The following AQR variants were observed in gnomAD, a reference collection of about 807,000 sequenced individuals.
AQR encodes RNA helicase aquarius.
AQR carries 61 observed loss-of-function variants against 180.5 expected under a neutral mutation model. The ratio of observed to expected loss-of-function variants is 0.34; its 90% confidence interval spans 0.28 to 0.42. The LOEUF is 0.42. Ranked by LOEUF, AQR falls within the 10% of genes least tolerant of loss-of-function variation. The pLI, the probability that AQR is intolerant of heterozygous loss-of-function variation, is 1.00. For synonymous variants in AQR, 551 were observed against 588.8 expected, an observed-to-expected ratio of 0.94 and a Z score of 0.93; for missense variants, 1,281 against 1,798.3, an observed-to-expected ratio of 0.71 and a Z score of 5.20.
chr15:34,881,006 T>C (rs1480295129), intron 27 of AQR, among the ~76,000 whole-genome samples: 2 of 152,188 alleles, frequency 1.3e-5, no homozygotes, highest in Admixed American at 1.3e-4. Flanking sequence ...TAACTACCCG[T>C]TGACGTGTAG....
chr15:34,937,041 TTTC>T (rs1162128839), intron 9 of AQR, among the ~76,000 whole-genome samples: 2 of 152,162 alleles, frequency 1.3e-5, no homozygotes, highest in Non-Finnish European at 2.9e-5. Context: ...AAACGTTTTC[TTTC>T]TTTTCTTTTT....
intron 4 of AQR, among the ~76,000 whole-genome samples, chr15:34,949,605 C>CAAAAAAAA (rs538711417): frequency 1.2e-4 from 6 of 49,680 alleles, no homozygotes; most frequent in African/African-American, 4.2e-4. Flanking sequence ...GACTCCGTCA[C>CAAAAAAAA]AAAAAAAAAA....
Position 34,941,004 on chromosome 15 carries a change from A to G in AQR, c.541-5T>C. On this transcript the variant is annotated splice_region_variant and splice_polypyrimidine_tract_variant and intron_variant, in intron 7 of 34. Coordinates refer to ENST00000156471, the MANE Select transcript of AQR (RefSeq NM_014691.3). Reference sequence around the variant, plus strand: ...TAATTCTAATTCCAATCGTGCCTGAAGAAGAGATGTGTTATTAAATTACCA... The same window carrying G: ...TAATTCTAATTCCAATCGTGCCTGAGGAAGAGATGTGTTATTAAATTACCA... 6.3e-7 allele frequency: 1 copy of G among 1,580,206 alleles called. No homozygotes were observed. The highest frequency in any genetic ancestry group is 2.2e-5 in the East Asian group (1 of 44,560).
intron 3 of AQR, among the ~76,000 whole-genome samples, chr15:34,959,443 C>T (rs1026050567): frequency 1.3e-5 from 2 of 152,194 alleles, no homozygotes; most frequent in African/African-American, 4.8e-5. Context: ...GCTGGGATTA[C>T]AGGCATGAGC....
chr15:34,924,416 A>C (rs1264407918), intron 13 of AQR, among the ~76,000 whole-genome samples: 1 of 152,124 alleles, frequency 6.6e-6, no homozygotes, highest in African/African-American at 2.4e-5. Flanking sequence ...CTAACATATA[A>C]TAGATTTCAA....
chr15:34,857,969 GA>G (rs1013139200), intron 34 of AQR, among the ~76,000 whole-genome samples: 4 of 152,062 alleles, frequency 2.6e-5, no homozygotes, highest in Non-Finnish European at 4.4e-5. Context: ...GAAATTGAAT[GA>G]ATGAATTGAT....
chr15:34,852,394 C>T lies in AQR; in HGVS notation c.*4398G>A, dbSNP rs1290215357. On this transcript the variant is annotated 3_prime_UTR_variant, in exon 35 of 35. Coordinates refer to ENST00000156471, the MANE Select transcript of AQR (RefSeq NM_014691.3). Reference sequence around the variant, plus strand: ...CCATGTTGGGCCGGATGATCTCGATCTCCTGACCTCAGGTGATCCGCCCGC... The same window carrying T: ...CCATGTTGGGCCGGATGATCTCGATTTCCTGACCTCAGGTGATCCGCCCGC... The T allele has an allele frequency of 6.6e-6, 1 of 152,220 alleles. No individual in the cohort carries two copies. The highest frequency in any genetic ancestry group is 2.4e-5 in the African/African-American group (1 of 41,424). 9.4% of individuals were successfully genotyped at this position (152,220 alleles called of 1,614,324 possible). A position where few individuals can be genotyped will look rare whatever the true frequency, so the allele number is the denominator to read the frequency against.
At position 34,961,824 on chromosome 15, in the gene AQR, C is replaced by T. The variant is rs186525303; in HGVS notation, c.133-1010G>A. On this transcript the variant is annotated intron_variant, in intron 2 of 34. Coordinates refer to ENST00000156471, the MANE Select transcript of AQR (RefSeq NM_014691.3). ...AAAACAGATCTAATAACACAAACTA[C>T]CACACAGGGTTACTGAAAATAAAAT... Among the ~76,000 whole-genome samples, 10 of 152,070 alleles carry T rather than the reference C, an allele frequency of 6.6e-5. 1 individual carries two copies. The highest frequency in any genetic ancestry group is 2.6e-4 in the Admixed American group (4 of 15,266).
intron 20 of AQR, among the ~76,000 whole-genome samples, chr15:34,899,428 G>A (rs1489556104): frequency 1.3e-5 from 2 of 152,076 alleles, no homozygotes; most frequent in African/African-American, 4.8e-5. Flanking sequence ...ACCCAGGCTA[G>A]AGTGCAGTGG....
chr15:34,939,470 C>T (rs1325880380), intron 8 of AQR, among the ~76,000 whole-genome samples: 1 of 152,126 alleles, frequency 6.6e-6, no homozygotes, highest in Non-Finnish European at 1.5e-5. Context: ...CATTAAAAAT[C>T]TCACATTTAA....
chr15:34,967,651 TG>T (rs2050317068), intron 1 of AQR, among the ~76,000 whole-genome samples: 1 of 151,990 alleles, frequency 6.6e-6, no homozygotes, highest in African/African-American at 2.4e-5. Flanking sequence ...AAAGATAGCA[TG>T]GCACATTCAA....
At chr15:34,908,876 AC>A in intron 17 of AQR, among the ~76,000 whole-genome samples, 1 of 152,294 alleles carries the variant, frequency 6.6e-6, no homozygotes, top group Admixed American at 6.5e-5. Context: ...TTTATTACCC[AC>A]AGTGTTTAAT....
intron 34 of AQR, 101 bp downstream of exon 34, chr15:34,859,941 C>A (rs984642643): frequency 4.1e-6 from 2 of 491,584 alleles, no homozygotes; most frequent in South Asian, 7.6e-5. Flanking sequence ...TTTAGTTTAG[C>A]TGATTTCCCA....
rs192958096 is a variant in AQR at position 34,913,307 on chromosome 15, C to T, written c.1484+1731G>A. ...ATAGATTTCTGGCCCTTAAGCACAT[C>T]CTCTCTTACTGCTGGTTAGTGGGCT... On this transcript the variant is annotated intron_variant, in intron 16 of 34. Transcript: ENST00000156471. Among the ~76,000 whole-genome samples the T allele has an allele frequency of 6.9e-4, 105 of 152,272 alleles. 1 individual carries two copies. The highest frequency in any genetic ancestry group is 2.5e-3 in the African/African-American group (104 of 41,558).
intron 14 of AQR, among the ~76,000 whole-genome samples, chr15:34,919,338 T>C (rs1216448105): frequency 6.6e-6 from 1 of 152,042 alleles, no homozygotes; most frequent in Non-Finnish European, 1.5e-5. Flanking sequence ...TCAGTGAAGA[T>C]AGTATAATTA....
chr15:34,932,242 C>T, intron 11 of AQR, 76 bp downstream of exon 11: 1 of 1,240,308 alleles, frequency 8.1e-7, no homozygotes. Flanking sequence ...TGCCCTGATA[C>T]TCCCAGTTGT....
At chr15:34,917,980 C>T (rs539982682) in intron 15 of AQR, among the ~76,000 whole-genome samples, 1 of 152,024 alleles carries the variant, frequency 6.6e-6, no homozygotes, top group Admixed American at 6.5e-5. Context: ...AAGACCCTGT[C>T]TCACACTAAC....
chr15:34,894,540 C>A (rs1033016460), intron 22 of AQR, among the ~76,000 whole-genome samples: 5 of 151,206 alleles, frequency 3.3e-5, no homozygotes, highest in Non-Finnish European at 7.4e-5. Context: ...GAAAATGCTA[C>A]CAGAGGAAAC....
Position 34,884,744 on chromosome 15 carries a change from A to G in AQR, c.2818-10T>C. On this transcript the variant is annotated splice_polypyrimidine_tract_variant and intron_variant, in intron 25 of 34. Coordinates refer to ENST00000156471, the MANE Select transcript of AQR (RefSeq NM_014691.3). ...CCCAGCGAGACATTACCTGTAGAAA[A>G]AAGGACTTGAAGTTAACTGCCAGCT... 6.3e-7 allele frequency: 1 copy of G among 1,586,258 alleles called. No homozygotes were observed. The highest frequency in any genetic ancestry group is 1.9e-5 in the Admixed American group (1 of 53,482).
Sources: gnomAD v4.1 joint callset for allele counts (sites outside exome capture counted in the v4.1 genomes callset) on GRCh38, gnomAD v4.1.1 for gene constraint, MANE v1.5 for transcripts, NCBI Gene and HGNC (gene_info 2026-07-23, HGNC 2026-07-21) for gene names.